ST7: variants seen among roughly 807,000 people sequenced by gnomAD.
The protein encoded by ST7 is suppression of tumorigenicity 7, also known as suppressor of tumorigenicity 7 protein.
In ST7, 28 loss-of-function variants were observed where a neutral mutation model predicts 78.7. The observed-to-expected ratio is 0.36, with a 90% confidence interval of 0.26 to 0.49. The LOEUF (loss-of-function observed/expected upper bound fraction) is 0.49. Among genes scored for constraint, ST7 ranks in the 20% least tolerant of loss-of-function variants. The pLI, the probability that ST7 is intolerant of heterozygous loss-of-function variation, is 0.99. For synonymous variants in ST7, 247 were observed against 249.6 expected, an observed-to-expected ratio of 0.99 and a Z score of 0.10; for missense variants, 418 against 696.0, an observed-to-expected ratio of 0.60 and a Z score of 4.49.
intron 1 of ST7, among the ~76,000 whole-genome samples, chr7:117,098,073 TTG>T (rs1158037864): frequency 6.6e-6 from 1 of 150,972 alleles, no homozygotes; most frequent in Admixed American, 6.6e-5. Flanking sequence ...ACTGAACACA[TTG>T]TGTTAGTCCA....
chr7:117,028,366 T>G (rs1796309849), intron 1 of ST7, among the ~76,000 whole-genome samples: 1 of 152,178 alleles, frequency 6.6e-6, no homozygotes, highest in Admixed American at 6.5e-5. Context: ...CTGTTAAGAT[T>G]GAGGCTTTTG....
chr7:117,046,767 T>C (rs2116332003), intron 1 of ST7, among the ~76,000 whole-genome samples: 1 of 152,292 alleles, frequency 6.6e-6, no homozygotes, highest in Middle Eastern at 3.4e-3. Context: ...TATAATCTGA[T>C]AAAAGTCTAA....
intron 9 of ST7, among the ~76,000 whole-genome samples, chr7:117,149,695 CT>C (rs1179646490): frequency 7.3e-6 from 1 of 136,524 alleles, no homozygotes; most frequent in African/African-American, 2.7e-5. Flanking sequence ...TTTCTTAAAA[CT>C]TGGTTCTGCT....
At chr7:116,995,688 G>T (rs1420727516) in intron 1 of ST7, among the ~76,000 whole-genome samples, 1 of 152,164 alleles carries the variant, frequency 6.6e-6, no homozygotes, top group Non-Finnish European at 1.5e-5. Flanking sequence ...CTTTGAGTAT[G>T]TCCAGGAATT....
chr7:117,222,024 C>T lies in ST7; in HGVS notation c.1600C>T (p.His534Tyr). 1 of 1,612,894 alleles carries T rather than the reference C, an allele frequency of 6.2e-7. No homozygotes were observed. Among genetic ancestry groups the T allele is most frequent in the Non-Finnish European group, 8.5e-7 (1 of 1,179,532 alleles). ...SFTAMLALLTHQFPELMGVFA... is the reference protein window; with the variant it reads ...SFTAMLALLTYQFPELMGVFA... ...CACAGCCATGCTGGCCCTCCTGACA[C>T]ATCAGTTCCCGGAACTTATGGGGGT... is the stretch of plus-strand genomic sequence containing the variant. Residue 534 changes from histidine to tyrosine, a missense_variant, in exon 15 of 16, where the codon CAT becomes TAT. By Grantham distance (83) the His-to-Tyr change is moderately conservative. This residue lies in a region of ST7 where 288 missense variants were observed against 537.1 expected (regional missense o/e 0.54). Coordinates refer to ENST00000323984, the MANE Select transcript of ST7 (RefSeq NM_001369598.1).
At chr7:117,204,772 A>G (rs893250290) in intron 12 of ST7, among the ~76,000 whole-genome samples, 2 of 152,124 alleles carry the variant, frequency 1.3e-5, no homozygotes, top group Non-Finnish European at 1.5e-5. Flanking sequence ...GCATGAAAAA[A>G]ATTTGCTATC....
chr7:117,220,997 G>C (rs1315775010), intron 14 of ST7, among the ~76,000 whole-genome samples: 1 of 152,056 alleles, frequency 6.6e-6, no homozygotes, highest in Non-Finnish European at 1.5e-5. Context: ...TGGTCCTCTT[G>C]GTTAGAGTGG....
chr7:116,985,043 G>T (rs1295774448), intron 1 of ST7, among the ~76,000 whole-genome samples: 3 of 152,028 alleles, frequency 2.0e-5, no homozygotes, highest in African/African-American at 7.3e-5. Context: ...TATTTGTGAG[G>T]CTCTCCTATA....
chr7:117,208,902 G>GTGTGTGT (rs1792028590), intron 12 of ST7, among the ~76,000 whole-genome samples: 2 of 139,800 alleles, frequency 1.4e-5, no homozygotes, highest in African/African-American at 5.4e-5. Context: ...TGTATGTGTG[G>GTGTGTGT]GTGTGTGTGT....
rs1324831188 is a variant in ST7 at position 117,209,846 on chromosome 7, C to T, written c.1314C>T (p.Asp438=). ...LPPEHILKRG[D]SEAIAYAFFH... is the part of the protein sequence containing the mutation. Reference sequence around the variant, plus strand: ...CAGAACATATCCTGAAGAGAGGAGACAGTGAAGCAATAGCATATGCATTCT... The same window carrying T: ...CAGAACATATCCTGAAGAGAGGAGATAGTGAAGCAATAGCATATGCATTCT... Residue 438 remains aspartate, a synonymous_variant, in exon 13 of 16, where the codon GAC becomes GAT. Coordinates refer to ENST00000323984, the MANE Select transcript of ST7 (RefSeq NM_001369598.1). 6.2e-7 allele frequency: 1 copy of T among 1,614,034 alleles called. No individual in the cohort carries two copies. The highest frequency in any genetic ancestry group is 8.5e-7 in the Non-Finnish European group (1 of 1,180,002).
chr7:117,006,336 C>T (rs1210109717), intron 1 of ST7, among the ~76,000 whole-genome samples: 1 of 152,200 alleles, frequency 6.6e-6, no homozygotes, highest in Non-Finnish European at 1.5e-5. Context: ...CAGTCAGTAG[C>T]AGTGTAGCAT....
At chr7:117,159,739 A>G (rs893711264) in intron 9 of ST7, among the ~76,000 whole-genome samples, 14 of 152,172 alleles carry the variant, frequency 9.2e-5, no homozygotes, top group Admixed American at 7.9e-4. Context: ...CTATTCACAT[A>G]TAGCATAGCC....
intron 9 of ST7, among the ~76,000 whole-genome samples, chr7:117,160,656 T>C (rs1352934676): frequency 6.7e-6 from 1 of 150,202 alleles, no homozygotes. Flanking sequence ...TGTGTGTGTA[T>C]ATATATATAT....
At chr7:116,955,652 A>G (rs1340243864) in intron 1 of ST7, among the ~76,000 whole-genome samples, 1 of 152,232 alleles carries the variant, frequency 6.6e-6, no homozygotes, top group East Asian at 1.9e-4. Flanking sequence ...ACATTTGTAT[A>G]TCACATTTTC....
chr7:117,042,256 A>G lies in ST7; in HGVS notation c.152-57506A>G, dbSNP rs968660938. Among the ~76,000 whole-genome samples, 4 of 152,198 alleles carry G rather than the reference A, an allele frequency of 2.6e-5. 1 individual carries two copies. In the South Asian group the frequency reaches 8.3e-4, roughly 32 times the overall value. ...GCTTCTAGTAGTCTTTTGTATGACC[A>G]TACTACAGTTTATTTAAATAATTCT... On this transcript the variant is annotated intron_variant, in intron 1 of 15. Transcript: ENST00000323984.
Position 117,160,312 on chromosome 7 carries a change from A to G in ST7, c.964-10550A>G, listed in dbSNP as rs189590576. 3.6e-3 allele frequency among the ~76,000 whole-genome samples: 549 copies of G among 151,958 alleles called. 1 individual carries two copies. The highest frequency in any genetic ancestry group is 5.9e-3 in the Non-Finnish European group (399 of 67,960). ...TCAAATAGCCCTTTGAAAATGTACT[A>G]TATCTGTGTCAACATTATTTATGGA... On this transcript the variant is annotated intron_variant, in intron 9 of 15. Transcript: ENST00000323984.
chr7:116,998,194 G>A lies in ST7; in HGVS notation c.151+44503G>A, dbSNP rs191426528. On this transcript the variant is annotated intron_variant, in intron 1 of 15. Transcript: ENST00000323984. ...AATTCGAGCGTAGCGCTGGCGGGCC[G>A]GCACTGCTGGGGGACCCGGCGCACC... 4.3e-4 allele frequency among the ~76,000 whole-genome samples: 65 copies of A among 152,312 alleles called. 2 individuals are homozygous for A. The East Asian group carries it at 0.012, about 28-fold the overall frequency.
At chr7:117,178,449 A>G (rs896884892) in intron 10 of ST7, among the ~76,000 whole-genome samples, 9 of 152,286 alleles carry the variant, frequency 5.9e-5, no homozygotes, top group Admixed American at 3.3e-4. Flanking sequence ...ATGCCCCCCT[A>G]CTTTCATCTC....
At chr7:117,172,935 T>C (rs1418970241) in intron 10 of ST7, among the ~76,000 whole-genome samples, 1 of 152,242 alleles carries the variant, frequency 6.6e-6, no homozygotes, top group Non-Finnish European at 1.5e-5. Context: ...ATAAGACTGA[T>C]TGTAAAATAA....
Sources: gnomAD v4.1 joint callset for allele counts (sites outside exome capture counted in the v4.1 genomes callset) on GRCh38, gnomAD v4.1.1 for gene constraint, gnomAD v4.1.1 regional missense constraint, MANE v1.5 for transcripts, NCBI Gene and HGNC (gene_info 2026-07-23, HGNC 2026-07-21) for gene names.